IQCK: variants seen among roughly 807,000 people sequenced by gnomAD.
IQCK encodes the protein IQ domain-containing protein K.
A neutral mutation model predicts 28.1 loss-of-function variants in IQCK; 29 were observed. The ratio of observed to expected loss-of-function variants is 1.03; its 90% CI spans 0.77 to 1.41. The LOEUF is 1.41. IQCK is among the 40% of genes most tolerant of loss of function. The pLI is 0.00. For missense variants in IQCK, 359 were observed against 314.7 expected, an observed-to-expected ratio of 1.14 and a Z score of -1.07; for synonymous variants, 113 against 115.1, an observed-to-expected ratio of 0.98 and a Z score of 0.12.
intron 6 of IQCK, 22 bp downstream of exon 6, chr16:19,764,134 G>A (rs779473502): frequency 1.3e-6 from 2 of 1,559,420 alleles, no homozygotes; most frequent in African/African-American, 2.7e-5. Context: ...ACAAGGCTTT[G>A]AATAATTTAT....
intron 4 of IQCK, among the ~76,000 whole-genome samples, chr16:19,738,750 C>G (rs1234550097): frequency 6.6e-6 from 1 of 152,148 alleles, no homozygotes; most frequent in Non-Finnish European, 1.5e-5. Flanking sequence ...CAGGTACTTC[C>G]CAGATATTGT....
chr16:19,742,478 G>A (rs558961200), intron 4 of IQCK, among the ~76,000 whole-genome samples: 1 of 150,350 alleles, frequency 6.7e-6, no homozygotes, highest in East Asian at 1.9e-4. Context: ...CTGCACAACA[G>A]ATTCACATTT....
At chr16:19,754,952 A>G (rs1302985375) in intron 4 of IQCK, among the ~76,000 whole-genome samples, 1 of 152,208 alleles carries the variant, frequency 6.6e-6, no homozygotes, top group Non-Finnish European at 1.5e-5. Context: ...GGTCTTGGTC[A>G]ATGTTATTAG....
intron 4 of IQCK, among the ~76,000 whole-genome samples, chr16:19,758,444 G>A (rs191390957): frequency 6.6e-6 from 1 of 152,296 alleles, no homozygotes; most frequent in East Asian, 1.9e-4. Context: ...TATTTTTAAA[G>A]TCTGTTTATT....
At chr16:19,832,831 A>G (rs1303857058) in intron 9 of IQCK, among the ~76,000 whole-genome samples, 1 of 151,616 alleles carries the variant, frequency 6.6e-6, no homozygotes, top group Non-Finnish European at 1.5e-5. Context: ...GCGGCAGGAG[A>G]GAGAGAGAGT....
At chr16:19,806,557 GCA>G (rs1290470609) in intron 7 of IQCK, among the ~76,000 whole-genome samples, 1 of 151,552 alleles carries the variant, frequency 6.6e-6, no homozygotes, top group African/African-American at 2.4e-5. Flanking sequence ...GAGTGTGGTG[GCA>G]CACACCTGTA....
At chr16:19,823,728 G>A (rs2056105981) in intron 7 of IQCK, among the ~76,000 whole-genome samples, 1 of 152,180 alleles carries the variant, frequency 6.6e-6, no homozygotes, top group Admixed American at 6.5e-5. Flanking sequence ...CCTGAGGTCA[G>A]GAGTTCGAGA....
At chr16:19,719,747 T>G (rs968266015) in intron 1 of IQCK, among the ~76,000 whole-genome samples, 11 of 147,380 alleles carry the variant, frequency 7.5e-5, no homozygotes, top group Non-Finnish European at 1.5e-4. Flanking sequence ...CTGGCTGGGC[T>G]CACTGCAACC....
At chr16:19,847,729 C>T (rs1165579713) in intron 9 of IQCK, among the ~76,000 whole-genome samples, 1 of 152,164 alleles carries the variant, frequency 6.6e-6, no homozygotes, top group Admixed American at 6.5e-5. Flanking sequence ...AGCTGTGAAT[C>T]CAGTCACTTT....
chr16:19,760,234 T>G (rs573516243), intron 4 of IQCK, among the ~76,000 whole-genome samples: 1 of 152,278 alleles, frequency 6.6e-6, no homozygotes, highest in East Asian at 1.9e-4. Context: ...GAGAAGACAA[T>G]AATAGTGCTA....
rs189380956 is a variant in IQCK at position 19,724,814 on chromosome 16, G to A, written c.182-5616G>A. ...CCCAAAGTGCTGGGATTACAGGCGC[G>A]ATCCACCGTGCCCGGCCACCAGTCA... On this transcript the variant is annotated intron_variant, in intron 1 of 7. Coordinates refer to ENST00000564186, the Ensembl canonical transcript of IQCK. 5.9e-5 allele frequency among the ~76,000 whole-genome samples: 9 copies of A among 152,194 alleles called. No individual in the cohort carries two copies. In the East Asian group the frequency reaches 1.2e-3, roughly 20 times the overall value.
At chr16:19,827,225 G>A (rs112629488), downstream of IQCK, 2 of 898,938 alleles carry the variant, frequency 2.2e-6, no homozygotes, top group African/African-American at 3.3e-5. Context: ...CTGAGCTTTT[G>A]TAAGGTCCTT....
chr16:19,840,275 A>G (rs1597605294), intron 9 of IQCK, among the ~76,000 whole-genome samples: 2 of 152,102 alleles, frequency 1.3e-5, no homozygotes, highest in East Asian at 3.9e-4. Context: ...AGAATCGCTT[A>G]AACCCGGGAG....
At chr16:19,806,943 C>T (rs1597576332) in intron 7 of IQCK, among the ~76,000 whole-genome samples, 1 of 152,342 alleles carries the variant, frequency 6.6e-6, no homozygotes, top group Non-Finnish European at 1.5e-5. Context: ...ACCCCCACCC[C>T]CTGGGATTCC....
At chr16:19,804,520 C>G (rs944199389) in intron 7 of IQCK, among the ~76,000 whole-genome samples, 1 of 151,950 alleles carries the variant, frequency 6.6e-6, no homozygotes, top group African/African-American at 2.4e-5. Flanking sequence ...CTACTGCAAC[C>G]TCCACCTCCC....
At chr16:19,846,370 C>G (rs1437498117) in intron 9 of IQCK, among the ~76,000 whole-genome samples, 2 of 152,154 alleles carry the variant, frequency 1.3e-5, no homozygotes, top group Non-Finnish European at 2.9e-5. Context: ...CTGTCAATAC[C>G]TCAGTTTTCA....
At chr16:19,851,462 G>C (rs2056480911) in intron 9 of IQCK, among the ~76,000 whole-genome samples, 2 of 152,138 alleles carry the variant, frequency 1.3e-5, no homozygotes, top group Non-Finnish European at 2.9e-5. Context: ...TTGAGCTTTA[G>C]GCATTTTCTT....
intron 9 of IQCK, among the ~76,000 whole-genome samples, chr16:19,847,856 G>A (rs1490670624): frequency 3.3e-5 from 5 of 152,182 alleles, no homozygotes; most frequent in Non-Finnish European, 7.4e-5. Flanking sequence ...AAGCTGGAGT[G>A]CAGTGGTGCA....
chr16:19,778,046 C>G (rs572505770), intron 6 of IQCK, among the ~76,000 whole-genome samples: 1 of 151,562 alleles, frequency 6.6e-6, no homozygotes, highest in East Asian at 1.9e-4. Context: ...GTGCAGGACT[C>G]TGTCTCAAAA....
Sources: allele counts gnomAD v4.1 joint callset (sites outside exome capture counted in the v4.1 genomes callset), GRCh38; gene constraint gnomAD v4.1.1; transcripts MANE v1.5; gene names NCBI Gene and HGNC (gene_info 2026-07-23, HGNC 2026-07-21).